Variants in AGBL4 observed in about 807,000 individuals in gnomAD.
AGBL4 encodes the protein AGBL carboxypeptidase 4, also known as cytosolic carboxypeptidase 6.
In AGBL4, 58 loss-of-function variants were observed where a neutral mutation model predicts 66.4. That is an observed-to-expected ratio of 0.87 (90% confidence interval 0.71 to 1.09). The LOEUF is 1.09. Among genes scored for constraint, AGBL4 ranks in the 50% least tolerant of loss-of-function variants. AGBL4 has a pLI of 0.00. For synonymous variants in AGBL4, 234 were observed against 222.9 expected (o/e 1.05, Z -0.44); for missense variants, 579 against 631.0 (o/e 0.92, Z 0.88).
At chr1:49,625,334 T>C (rs1343159) in intron 3 of AGBL4, among the ~76,000 whole-genome samples, 79,793 of 151,986 alleles carry the variant, frequency 0.53, 22,270 homozygotes, top group Non-Finnish European at 0.62. Flanking sequence ...AATGTTACCA[T>C]TTTTTCCTTC....
intron 3 of AGBL4, among the ~76,000 whole-genome samples, chr1:49,450,216 T>C (rs1646248246): frequency 6.6e-6 from 1 of 152,130 alleles, no homozygotes; most frequent in Non-Finnish European, 1.5e-5. Context: ...AAGATCTCTA[T>C]TTAAATCCTG....
At chr1:49,696,904 G>A (rs1038882659) in intron 3 of AGBL4, among the ~76,000 whole-genome samples, 62 of 152,144 alleles carry the variant, frequency 4.1e-4, no homozygotes, top group Non-Finnish European at 7.4e-5. Context: ...CTGTTGTACA[G>A]AAGAAAAGCT....
At chr1:49,251,628 C>A (rs1436054247) in intron 3 of AGBL4, among the ~76,000 whole-genome samples, 1 of 152,180 alleles carries the variant, frequency 6.6e-6, no homozygotes, top group African/African-American at 2.4e-5. Context: ...AACTTCATTG[C>A]CTTGTCACTG....
chr1:49,630,387 G>C (rs1047916104), intron 3 of AGBL4, among the ~76,000 whole-genome samples: 3 of 152,090 alleles, frequency 2.0e-5, no homozygotes, highest in Admixed American at 6.6e-5. Flanking sequence ...AAGTCTTCTG[G>C]TGTCACTTAA....
chr1:49,658,938 A>G (rs1424325582), intron 3 of AGBL4, among the ~76,000 whole-genome samples: 3 of 152,064 alleles, frequency 2.0e-5, no homozygotes, highest in South Asian at 2.1e-4. Context: ...CAGCACACCA[A>G]CATGGCACAT....
intron 3 of AGBL4, among the ~76,000 whole-genome samples, chr1:49,268,836 CAT>C (rs1376112902): frequency 6.6e-6 from 1 of 152,144 alleles, no homozygotes; most frequent in Admixed American, 6.5e-5. Flanking sequence ...GCATACAAAT[CAT>C]ATGTGCTAGA....
intron 2 of AGBL4, among the ~76,000 whole-genome samples, chr1:49,802,264 G>A (rs1311452255): frequency 1.3e-5 from 2 of 152,100 alleles, no homozygotes; most frequent in African/African-American, 4.8e-5. Flanking sequence ...ACACATCGGG[G>A]GGGGTCGCCT....
chr1:48,812,217 A>AGTGAAAAC (rs1299312436), intron 6 of AGBL4, among the ~76,000 whole-genome samples: 1 of 152,214 alleles, frequency 6.6e-6, no homozygotes, highest in Admixed American at 6.5e-5. Context: ...AAAGTTGTCC[A>AGTGAAAAC]GTGAAAACTA....
intron 5 of AGBL4, among the ~76,000 whole-genome samples, chr1:48,881,396 T>C (rs930640147): frequency 1.3e-5 from 2 of 152,194 alleles, no homozygotes; most frequent in Non-Finnish European, 2.9e-5. Context: ...GAAAACTGAC[T>C]TTTCACGTGT....
rs60956289 is a variant in AGBL4 at position 48,724,780 on chromosome 1, A to T, written c.635-61539T>A. Among the ~76,000 whole-genome samples, 910 of 152,340 alleles carry T rather than the reference A, an allele frequency of 6.0e-3. 5 individuals are homozygous for T. The highest frequency in any genetic ancestry group is 0.021 in the African/African-American group (860 of 41,570). ...ACAGGAAGCATACAAGCACCTAAAAAGTCACCAATATACTTTCCTAAGCAA... is the reference window on the plus strand; with the variant it reads ...ACAGGAAGCATACAAGCACCTAAAATGTCACCAATATACTTTCCTAAGCAA... On this transcript the variant is annotated intron_variant, in intron 6 of 13. Transcript: ENST00000371839.
intron 11 of AGBL4, among the ~76,000 whole-genome samples, chr1:48,540,832 A>C (rs1357124304): frequency 6.6e-6 from 1 of 151,972 alleles, no homozygotes; most frequent in African/African-American, 2.4e-5. Context: ...TTTCTCCTAG[A>C]TTGCTGTCAT....
At chr1:49,222,680 A>G (rs1275652415) in intron 4 of AGBL4, among the ~76,000 whole-genome samples, 1 of 152,220 alleles carries the variant, frequency 6.6e-6, no homozygotes, top group African/African-American at 2.4e-5. Context: ...AGACAAAATC[A>G]TCCAAAACAA....
At chr1:48,770,343 T>C (rs1018421309) in intron 6 of AGBL4, among the ~76,000 whole-genome samples, 8 of 152,242 alleles carry the variant, frequency 5.3e-5, no homozygotes, top group Non-Finnish European at 7.3e-5. Context: ...AGCCTAGTTC[T>C]AGGATCCAAA....
At chr1:49,154,850 T>G (rs1646401566) in intron 4 of AGBL4, among the ~76,000 whole-genome samples, 1 of 152,168 alleles carries the variant, frequency 6.6e-6, no homozygotes, top group Non-Finnish European at 1.5e-5. Context: ...ATATTGATTG[T>G]TTTTTCTTCC....
intron 6 of AGBL4, among the ~76,000 whole-genome samples, chr1:48,805,830 G>A (rs1645911017): frequency 6.6e-6 from 1 of 152,170 alleles, no homozygotes; most frequent in African/African-American, 2.4e-5. Flanking sequence ...AGGACAAGAT[G>A]AGATTCTGTG....
Position 48,736,217 on chromosome 1 carries a change from G to T in AGBL4, c.635-72976C>A. On this transcript the variant is annotated intron_variant, in intron 6 of 13. Transcript: ENST00000371839. This position sits in a 1 kb window ranked among gnomAD's most constrained non-coding sequence, Gnocchi z 4.0. Reference sequence around the variant, plus strand: ...AGTAAAAGACAGAATCCCAGCCATTGTGTTTCCACTCAGTGACCTACCTCT... The same window carrying T: ...AGTAAAAGACAGAATCCCAGCCATTTTGTTTCCACTCAGTGACCTACCTCT... 1.3e-6 allele frequency: 2 copies of T among 1,598,116 alleles called. No homozygotes were observed. Among genetic ancestry groups the T allele is most frequent in the East Asian group, 2.2e-5 (1 of 44,814 alleles).
intron 4 of AGBL4, among the ~76,000 whole-genome samples, chr1:49,234,422 T>A (rs559934020): frequency 6.6e-6 from 1 of 152,154 alleles, no homozygotes; most frequent in East Asian, 1.9e-4. Flanking sequence ...ATAGAAATCC[T>A]CTAGGGAAAA....
the AGBL4 span, among the ~76,000 whole-genome samples, chr1:48,526,424 A>G: frequency 6.6e-6 from 1 of 152,206 alleles, no homozygotes; most frequent in Non-Finnish European, 1.5e-5. Flanking sequence ...TGTTGTGAGG[A>G]TTGCATCAGA....
At chr1:49,822,126 C>A (rs1645384812) in intron 2 of AGBL4, among the ~76,000 whole-genome samples, 1 of 151,926 alleles carries the variant, frequency 6.6e-6, no homozygotes, top group South Asian at 2.1e-4. Flanking sequence ...GTAATATTTT[C>A]TTTTCCAGAA....
Sources: allele counts gnomAD v4.1 joint callset (sites outside exome capture counted in the v4.1 genomes callset), GRCh38; gene constraint gnomAD v4.1.1; non-coding constraint Gnocchi (gnomAD v3.1); transcripts MANE v1.5; gene names NCBI Gene and HGNC (gene_info 2026-07-23, HGNC 2026-07-21).